Variants in AGBL1 observed in about 807,000 individuals in gnomAD.
The protein encoded by AGBL1 is AGBL carboxypeptidase 1, also known as cytosolic carboxypeptidase 4.
In AGBL1, 130 loss-of-function variants were observed where a neutral mutation model predicts 118.9. The observed-to-expected ratio is 1.09, with a 90% CI of 0.95 to 1.26. The LOEUF (loss-of-function observed/expected upper bound fraction) is 1.26. AGBL1 is among the 50% of genes most tolerant of loss of function. The pLI, the probability that AGBL1 is intolerant of heterozygous loss-of-function variation, is 0.00. For synonymous variants in AGBL1, 555 were observed against 478.9 expected, an observed-to-expected ratio of 1.16 and a Z score of -2.08; for missense variants, 1,584 against 1,298.1, an observed-to-expected ratio of 1.22 and a Z score of -3.38.
intron 18 of AGBL1, among the ~76,000 whole-genome samples, chr15:86,416,756 T>C (rs1388600442): frequency 6.6e-6 from 1 of 152,174 alleles, no homozygotes; most frequent in Non-Finnish European, 1.5e-5. Context: ...TTGAATAACA[T>C]AAAATAGATT....
At chr15:86,477,376 G>T (rs540171206) in intron 18 of AGBL1, among the ~76,000 whole-genome samples, 140 of 152,072 alleles carry the variant, frequency 9.2e-4, no homozygotes, top group Non-Finnish European at 1.6e-3. Context: ...TCAAATAGAC[G>T]CAATAAAAAA....
chr15:86,921,537 C>G (rs2080481915), intron 23 of AGBL1, among the ~76,000 whole-genome samples: 1 of 152,206 alleles, frequency 6.6e-6, no homozygotes, highest in Admixed American at 6.5e-5. Context: ...ACTTACTTCT[C>G]AAGGCCAGCT....
intron 21 of AGBL1, among the ~76,000 whole-genome samples, chr15:86,570,176 T>C (rs1463349951): frequency 6.6e-6 from 1 of 152,346 alleles, no homozygotes; most frequent in East Asian, 1.9e-4. Context: ...GTATTCTCTC[T>C]GCATAAAATG....
rs549745873 is a variant in AGBL1 at position 86,154,554 on chromosome 15, C to G, written c.387C>G (p.Ala129=). The change falls in exon 4 of 23, where the codon GCC becomes GCG. Residue 129 remains alanine (A), a synonymous_variant. Coordinates refer to ENST00000614907, the MANE Select transcript of AGBL1 (RefSeq NM_001386094.1). ...LHCLWALRVF[A]SSVSMGAMLG... The stretch of plus-strand genomic sequence containing the variant: ...GTCTCTGGGCTCTGCGTGTGTTTGC[C>G]TCCAGTGGTAAGTGACTCTATTGTG... The G allele has an allele frequency of 2.5e-6, 4 of 1,607,838 alleles. No homozygotes were observed. In the South Asian group the frequency reaches 4.4e-5, roughly 18 times the overall value.
At chr15:86,099,026 C>T (rs1294934589) in intron 1 of AGBL1, among the ~76,000 whole-genome samples, 3 of 152,102 alleles carry the variant, frequency 2.0e-5, no homozygotes, top group Non-Finnish European at 2.9e-5. Flanking sequence ...AGATGCTTCA[C>T]CTCCTTGAAG....
chr15:86,844,364 T>C (rs1343020336), intron 22 of AGBL1, among the ~76,000 whole-genome samples: 1 of 152,160 alleles, frequency 6.6e-6, no homozygotes, highest in Non-Finnish European at 1.5e-5. Flanking sequence ...CCTACATCCT[T>C]GTCAACAATT....
chr15:86,606,007 A>T (rs966177971), intron 21 of AGBL1, among the ~76,000 whole-genome samples: 1 of 151,532 alleles, frequency 6.6e-6, no homozygotes, highest in Admixed American at 6.6e-5. Context: ...GGCACCTGTA[A>T]TCCCAGCTAC....
At chr15:86,900,832 C>A (rs1274557575) in intron 22 of AGBL1, among the ~76,000 whole-genome samples, 2 of 152,130 alleles carry the variant, frequency 1.3e-5, no homozygotes, top group Non-Finnish European at 2.9e-5. Context: ...TCTGGAAAGA[C>A]TGTGCTACCC....
intron 17 of AGBL1, among the ~76,000 whole-genome samples, chr15:86,390,814 C>G (rs1019567139): frequency 5.9e-5 from 9 of 151,646 alleles, no homozygotes; most frequent in Non-Finnish European, 7.4e-5. Context: ...GGATTACAGG[C>G]GCCTACCACC....
intron 22 of AGBL1, among the ~76,000 whole-genome samples, chr15:86,836,409 C>G (rs553400320): frequency 6.6e-6 from 1 of 152,102 alleles, no homozygotes; most frequent in Non-Finnish European, 1.5e-5. Context: ...TACACTATCT[C>G]AACTCTAAAT....
intron 22 of AGBL1, among the ~76,000 whole-genome samples, chr15:86,734,504 G>T (rs1265692167): frequency 1.3e-5 from 2 of 152,110 alleles, no homozygotes; most frequent in African/African-American, 4.8e-5. Flanking sequence ...GGTGTGGGCT[G>T]TGCCTCAGGT....
chr15:86,276,295 T>C (rs1459664041), intron 15 of AGBL1, among the ~76,000 whole-genome samples: 1 of 152,220 alleles, frequency 6.6e-6, no homozygotes, highest in Non-Finnish European at 1.5e-5. Flanking sequence ...GCAGATGATA[T>C]AATAAAAAAA....
intron 18 of AGBL1, among the ~76,000 whole-genome samples, chr15:86,507,636 T>A (rs2082993679): frequency 6.6e-6 from 1 of 152,044 alleles, no homozygotes; most frequent in African/African-American, 2.4e-5. Context: ...GGGAAGAAGA[T>A]CCTCTATGAT....
chr15:86,623,112 T>A (rs1327537084), intron 21 of AGBL1, among the ~76,000 whole-genome samples: 1 of 152,132 alleles, frequency 6.6e-6, no homozygotes, highest in Non-Finnish European at 1.5e-5. Flanking sequence ...GAAGCTTCAC[T>A]CTCTCACCCT....
chr15:86,741,772 ATT>A (rs35455437), intron 22 of AGBL1, among the ~76,000 whole-genome samples: 1 of 150,042 alleles, frequency 6.7e-6, no homozygotes, highest in Non-Finnish European at 1.5e-5. Context: ...GCTAGCAGAC[ATT>A]TTTTTTTTAA....
At chr15:86,796,655 A>G (rs140009600) in intron 22 of AGBL1, among the ~76,000 whole-genome samples, 245 of 152,346 alleles carry the variant, frequency 1.6e-3, no homozygotes, top group Non-Finnish European at 2.6e-3. Flanking sequence ...AAACTATGGC[A>G]CAGGATGAAA....
intron 18 of AGBL1, among the ~76,000 whole-genome samples, chr15:86,519,002 G>A (rs2083154856): frequency 6.6e-6 from 1 of 151,654 alleles, no homozygotes; most frequent in South Asian, 2.1e-4. Context: ...AGGAGGACAA[G>A]TCAGATCAAA....
intron 5 of AGBL1, among the ~76,000 whole-genome samples, chr15:86,199,948 A>T (rs1288199927): frequency 6.6e-6 from 1 of 152,210 alleles, no homozygotes; most frequent in African/African-American, 2.4e-5. Context: ...TGATTCTAAC[A>T]TGCCTGTGAG....
chr15:86,285,038 T>C (rs2079419730), intron 16 of AGBL1, among the ~76,000 whole-genome samples: 1 of 151,840 alleles, frequency 6.6e-6, no homozygotes, highest in Non-Finnish European at 1.5e-5. Context: ...CATTCAGAGG[T>C]CCTACTTTTC....
Sources: allele counts gnomAD v4.1 joint callset (sites outside exome capture counted in the v4.1 genomes callset), GRCh38; gene constraint gnomAD v4.1.1; transcripts MANE v1.5; gene names NCBI Gene and HGNC (gene_info 2026-07-23, HGNC 2026-07-21).